The following PHF21B variants were observed in gnomAD, a reference collection of about 807,000 sequenced individuals.
PHF21B encodes PHD finger protein 21B, also known as PHD finger protein 4.
A neutral mutation model predicts 62.2 loss-of-function variants in PHF21B; 22 were observed. The ratio of observed to expected loss-of-function variants is 0.35; its 90% confidence interval spans 0.25 to 0.51. The LOEUF is 0.51. Among genes scored for constraint, PHF21B ranks in the 20% least tolerant of loss-of-function variants. PHF21B has a pLI of 0.97. For synonymous variants in PHF21B, 341 were observed against 314.7 expected (o/e 1.08, Z -0.88); for missense variants, 701 against 707.9 (o/e 0.99, Z 0.11).
intron 3 of PHF21B, among the ~76,000 whole-genome samples, chr22:44,918,815 G>T (rs1229077493): frequency 1.3e-5 from 2 of 152,180 alleles, no homozygotes; most frequent in Non-Finnish European, 2.9e-5. Flanking sequence ...CTGGGCAGAG[G>T]GAAATAGCAC....
chr22:44,926,509 G>C (rs762973614), intron 2 of PHF21B, among the ~76,000 whole-genome samples: 13 of 152,102 alleles, frequency 8.5e-5, no homozygotes, highest in Non-Finnish European at 1.8e-4. Flanking sequence ...GGCCCTCCAG[G>C]CAAGGCGGGT....
At chr22:45,000,523 T>C (rs751596029) in intron 2 of PHF21B, 7 of 152,200 alleles carry the variant, frequency 4.6e-5, no homozygotes, top group African/African-American at 9.7e-5. Context: ...CTAATCATCA[T>C]AGCCAGCAGC....
At chr22:44,995,382 A>G (rs1487198774) in intron 2 of PHF21B, among the ~76,000 whole-genome samples, 2 of 152,090 alleles carry the variant, frequency 1.3e-5, no homozygotes, top group Non-Finnish European at 2.9e-5. Flanking sequence ...AATAACTCCA[A>G]CGAGGCAGTG....
intron 2 of PHF21B, among the ~76,000 whole-genome samples, chr22:44,937,280 C>G (rs5766212): frequency 3.3e-5 from 5 of 152,114 alleles, no homozygotes; most frequent in Non-Finnish European, 7.3e-5. Context: ...GCAGTGACTA[C>G]GAGAAAGCCT....
At chr22:44,903,766 C>A (rs995951260) in intron 5 of PHF21B, among the ~76,000 whole-genome samples, 1 of 152,212 alleles carries the variant, frequency 6.6e-6, no homozygotes, top group African/African-American at 2.4e-5. Flanking sequence ...GTTAAATTAT[C>A]TTGATGGATG....
intron 2 of PHF21B, among the ~76,000 whole-genome samples, chr22:44,928,053 A>G (rs9614986): frequency 6.6e-6 from 1 of 152,070 alleles, no homozygotes; most frequent in East Asian, 1.9e-4. Context: ...ACAACCTTCC[A>G]GGGCAAAAGC....
chr22:44,992,085 T>C (rs921053080), intron 2 of PHF21B, among the ~76,000 whole-genome samples: 32 of 152,352 alleles, frequency 2.1e-4, no homozygotes, highest in African/African-American at 7.5e-4. Context: ...GGGAGTGCAC[T>C]GCCTCAAGGG....
intron 5 of PHF21B, among the ~76,000 whole-genome samples, chr22:44,908,206 G>A (rs1243106394): frequency 6.6e-6 from 1 of 152,176 alleles, no homozygotes; most frequent in East Asian, 1.9e-4. Context: ...TCACGGCATA[G>A]ACTGCAGACT....
At chr22:44,928,342 C>T (rs566133240) in intron 2 of PHF21B, among the ~76,000 whole-genome samples, 118 of 152,308 alleles carry the variant, frequency 7.7e-4, no homozygotes, top group African/African-American at 2.7e-3. Context: ...CCAGGACGAG[C>T]CCTGTCATTT....
At position 44,941,724 on chromosome 22, in the gene PHF21B, G is replaced by T. The variant is rs1426698631; in HGVS notation, c.121-21234C>A. 2.0e-5 allele frequency among the ~76,000 whole-genome samples: 3 copies of T among 152,182 alleles called. No individual in the cohort carries two copies. In the South Asian group the frequency reaches 6.2e-4, roughly 32 times the overall value. ...GCACCCACTAGATGCTGGGCAGGGG[G>T]ATACGGCGGCAGGGCCTTCATTCTG... On this transcript the variant is annotated intron_variant, in intron 2 of 12. Coordinates refer to ENST00000313237, the MANE Select transcript of PHF21B (RefSeq NM_138415.5).
rs1337039263 is a variant in PHF21B, at chr22:44,982,171, GT to G, written c.120+26373del. Among the ~76,000 whole-genome samples the G allele has an allele frequency of 3.0e-4, 45 of 151,394 alleles. 2 individuals are homozygous for G. The South Asian group carries it at 8.8e-3, about 30-fold the overall frequency. Reference sequence around the variant, plus strand: ...TCACTTCTCCATTCTCAGCCTCAGTGTTTTTTTTTCAGATGAGGGGAACCCG... The same window carrying G: ...TCACTTCTCCATTCTCAGCCTCAGTGTTTTTTTTCAGATGAGGGGAACCCG... On this transcript the variant is annotated intron_variant, in intron 2 of 12. Coordinates refer to ENST00000313237, the MANE Select transcript of PHF21B (RefSeq NM_138415.5).
At chr22:44,897,367 G>A (rs1478249010) in intron 5 of PHF21B, among the ~76,000 whole-genome samples, 1 of 152,126 alleles carries the variant, frequency 6.6e-6, no homozygotes, top group Non-Finnish European at 1.5e-5. Context: ...AATACCACGG[G>A]ATTAGGTAAC....
At chr22:44,957,321 T>C (rs1168186513) in intron 2 of PHF21B, among the ~76,000 whole-genome samples, 2 of 152,176 alleles carry the variant, frequency 1.3e-5, no homozygotes, top group Middle Eastern at 6.3e-3. Context: ...TTTTCCCTGA[T>C]CCTTTGCATG....
At position 44,963,239 on chromosome 22, in the gene PHF21B, C is replaced by T. The variant is rs186682119; in HGVS notation, c.121-42749G>A. 1.3e-3 allele frequency among the ~76,000 whole-genome samples: 197 copies of T among 152,316 alleles called. 2 individuals carry two copies. The highest frequency in any genetic ancestry group is 4.6e-3 in the African/African-American group (190 of 41,562). On this transcript the variant is annotated intron_variant, in intron 2 of 12. Coordinates refer to ENST00000313237, the MANE Select transcript of PHF21B (RefSeq NM_138415.5). Reference sequence around the variant, plus strand: ...CACGCTCACATCACTGCAGCAGCCCCGAGGGCAAGACAGCACACTGGTGAC... The same window carrying T: ...CACGCTCACATCACTGCAGCAGCCCTGAGGGCAAGACAGCACACTGGTGAC...
intron 2 of PHF21B, chr22:45,008,150 A>G (rs1373657297): frequency 1.8e-5 from 3 of 168,284 alleles, no homozygotes; most frequent in Non-Finnish European, 3.8e-5. Flanking sequence ...CGGAACCCAG[A>G]AATCGCTTCC....
chr22:44,992,282 C>T (rs2147507465), intron 2 of PHF21B, among the ~76,000 whole-genome samples: 1 of 152,356 alleles, frequency 6.6e-6, no homozygotes, highest in East Asian at 1.9e-4. Flanking sequence ...CTGCCGCTGC[C>T]CAGGGATGCT....
At chr22:44,975,727 G>C (rs1274007898) in intron 2 of PHF21B, among the ~76,000 whole-genome samples, 2 of 152,270 alleles carry the variant, frequency 1.3e-5, no homozygotes, top group African/African-American at 4.8e-5. Context: ...GCTGCCCTGA[G>C]TGCTGTCCGT....
At position 44,883,165 on chromosome 22, in the gene PHF21B, G is replaced by A. The variant is rs1440002514; in HGVS notation, c.1517C>T (p.Pro506Leu). Reference protein sequence around the residue: ...QVTMTTTSPAPLLAGPWTKPS... With the variant: ...QVTMTTTSPALLLAGPWTKPS... ...CTTGGTCCAGGGCCCGGCCAGCAGT[G>A]GGGCAGGGCTAGTGGTCGTCATGGT... Residue 506 changes from proline to leucine, a missense_variant, in exon 13 of 13, where the codon CCA becomes CTA. Coordinates refer to ENST00000313237, the MANE Select transcript of PHF21B (RefSeq NM_138415.5). 6.2e-7 allele frequency: 1 copy of A among 1,613,250 alleles called. No individual in the cohort carries two copies. The highest frequency in any genetic ancestry group is 2.2e-5 in the East Asian group (1 of 44,884).
intron 5 of PHF21B, among the ~76,000 whole-genome samples, chr22:44,899,218 C>T (rs1010869750): frequency 6.6e-6 from 1 of 151,192 alleles, no homozygotes. Flanking sequence ...TAACTTTGGG[C>T]ATAATGACAG....
Sources: allele counts gnomAD v4.1 joint callset (sites outside exome capture counted in the v4.1 genomes callset), GRCh38; gene constraint gnomAD v4.1.1; transcripts MANE v1.5; gene names NCBI Gene and HGNC (gene_info 2026-07-23, HGNC 2026-07-21).